The following EPB41L2 variants were observed in gnomAD, a reference collection of about 807,000 sequenced individuals.
EPB41L2 encodes erythrocyte membrane protein band 4.1 like 2, also known as band 4.1-like protein 2.
A neutral mutation model predicts 113.0 loss-of-function variants in EPB41L2; 43 were observed. That is an observed-to-expected ratio of 0.38 (90% CI 0.30 to 0.49). The LOEUF (loss-of-function observed/expected upper bound fraction) is 0.49. Ranked by LOEUF, EPB41L2 falls within the 20% of genes least tolerant of loss-of-function variation. EPB41L2 has a pLI of 0.95. For missense variants in EPB41L2, 1,147 were observed against 1,223.4 expected (o/e 0.94, Z 0.93); for synonymous variants, 442 against 436.7 (o/e 1.01, Z -0.15).
intron 18 of EPB41L2, among the ~76,000 whole-genome samples, chr6:130,858,596 CAT>C (rs149912738): frequency 0.33 from 49,633 of 152,026 alleles, 8,735 homozygotes; most frequent in East Asian, 0.45. Flanking sequence ...TTGTAACGAT[CAT>C]TTTAAGGTTT....
intron 1 of EPB41L2, among the ~76,000 whole-genome samples, chr6:131,010,414 ATT>A (rs34144765): frequency 3.4e-4 from 48 of 142,926 alleles, no homozygotes; most frequent in African/African-American, 3.9e-4. Context: ...GAATTAATTA[ATT>A]TTTTTTTTTT....
intron 1 of EPB41L2, among the ~76,000 whole-genome samples, chr6:131,046,693 T>C (rs1342169752): frequency 6.6e-6 from 1 of 152,196 alleles, no homozygotes; most frequent in African/African-American, 2.4e-5. Flanking sequence ...CAACATTCCA[T>C]TTCTTTTTTA....
chr6:130,932,853 T>C (rs1807381727), intron 3 of EPB41L2, among the ~76,000 whole-genome samples: 1 of 152,246 alleles, frequency 6.6e-6, no homozygotes, highest in South Asian at 2.1e-4. Context: ...TTGGCAGAGT[T>C]GAGTCTAGAA....
At chr6:130,951,284 A>T (rs9483197) in intron 3 of EPB41L2, among the ~76,000 whole-genome samples, 1 of 71,314 alleles carries the variant, frequency 1.4e-5, no homozygotes, top group African/African-American at 6.7e-5. Context: ...GGGGGAGGGG[A>T]GGAGAAAAAA....
At chr6:130,873,454 C>A (rs1266698670) in intron 14 of EPB41L2, among the ~76,000 whole-genome samples, 5 of 143,614 alleles carry the variant, frequency 3.5e-5, no homozygotes, top group Admixed American at 7.6e-5. Context: ...CCTAATAAAC[C>A]CCACTATTCA....
intron 5 of EPB41L2, among the ~76,000 whole-genome samples, chr6:130,906,680 C>A (rs1335222336): frequency 6.6e-6 from 1 of 152,136 alleles, no homozygotes; most frequent in Non-Finnish European, 1.5e-5. Flanking sequence ...TGTTGGTTGT[C>A]ATAGGTAGCT....
intron 3 of EPB41L2, among the ~76,000 whole-genome samples, chr6:130,951,122 T>C (rs1436355737): frequency 1.3e-5 from 2 of 151,628 alleles, no homozygotes; most frequent in Admixed American, 6.6e-5. Flanking sequence ...CCAGGCATGG[T>C]GGCATGCATC....
In EPB41L2 at chr6:130,865,648, G is replaced by A; in HGVS notation, c.2731-14C>T. 9 of 1,613,214 alleles carry A rather than the reference G, an allele frequency of 5.6e-6. No homozygotes were observed. Among genetic ancestry groups the A allele is most frequent in the Non-Finnish European group, 7.6e-6 (9 of 1,179,358 alleles). ...CCCGCCATCAATCTTTGGATAGTTGGGGGAAAAATACAAAGTAATGCTTAA... is the reference window on the plus strand; with the variant it reads ...CCCGCCATCAATCTTTGGATAGTTGAGGGAAAAATACAAAGTAATGCTTAA... On this transcript the variant is annotated splice_polypyrimidine_tract_variant and intron_variant, in intron 16 of 19. Transcript: ENST00000337057.
chr6:130,859,252 T>C (rs1181147384), intron 18 of EPB41L2, among the ~76,000 whole-genome samples: 1 of 152,214 alleles, frequency 6.6e-6, no homozygotes, highest in African/African-American at 2.4e-5. Context: ...CCAGGCGTGG[T>C]GGCTCAGGCC....
intron 8 of EPB41L2, among the ~76,000 whole-genome samples, chr6:130,895,866 A>T (rs1011308919): frequency 1.1e-4 from 16 of 152,230 alleles, no homozygotes; most frequent in Admixed American, 9.2e-4. Context: ...AAAACCAAAC[A>T]AATTTACAGG....
intron 19 of EPB41L2, among the ~76,000 whole-genome samples, chr6:130,843,061 T>C (rs1233620548): frequency 6.6e-6 from 1 of 152,212 alleles, no homozygotes; most frequent in Admixed American, 6.5e-5. Context: ...CAGTTCCTTA[T>C]TGGCGTGGAT....
intron 4 of EPB41L2, among the ~76,000 whole-genome samples, chr6:130,918,720 T>C (rs1040437703): frequency 6.6e-6 from 1 of 151,090 alleles, no homozygotes; most frequent in Non-Finnish European, 1.5e-5. Context: ...AAAATTTGTA[T>C]ACAAATAATC....
At chr6:131,050,371 A>G (rs1421658143) in intron 1 of EPB41L2, among the ~76,000 whole-genome samples, 2 of 152,174 alleles carry the variant, frequency 1.3e-5, no homozygotes, top group African/African-American at 4.8e-5. Context: ...ATCATTTAGT[A>G]TACCAACATA....
At chr6:130,980,228 T>C (rs1489638644) in intron 1 of EPB41L2, among the ~76,000 whole-genome samples, 6 of 151,550 alleles carry the variant, frequency 4.0e-5, no homozygotes, top group Non-Finnish European at 8.8e-5. Flanking sequence ...GAGGTAAGTG[T>C]AAATTAATAT....
At chr6:130,841,088 A>G (rs1053183355) in intron 19 of EPB41L2, among the ~76,000 whole-genome samples, 2 of 152,168 alleles carry the variant, frequency 1.3e-5, no homozygotes, top group Non-Finnish European at 2.9e-5. Flanking sequence ...GCAGAAACGA[A>G]TGGAAGGAAT....
chr6:130,994,776 T>A (rs538267859), intron 1 of EPB41L2, among the ~76,000 whole-genome samples: 1 of 152,164 alleles, frequency 6.6e-6, no homozygotes, highest in African/African-American at 2.4e-5. Context: ...AAGCTGGGAA[T>A]TGCTTAGGGC....
intron 8 of EPB41L2, among the ~76,000 whole-genome samples, chr6:130,897,201 A>G (rs1794920295): frequency 1.3e-5 from 2 of 152,076 alleles, no homozygotes; most frequent in Non-Finnish European, 2.9e-5. Context: ...TAACATGAAT[A>G]TGACATTACA....
intron 7 of EPB41L2, 106 bp from the exon 8 acceptor site, chr6:130,899,684 C>T (rs779225232): frequency 3.2e-5 from 33 of 1,019,706 alleles, no homozygotes; most frequent in Non-Finnish European, 4.8e-5. Flanking sequence ...GAGAAAGTTA[C>T]CCAGCCAAGT....
At chr6:130,939,972 G>C (rs1230801520) in intron 3 of EPB41L2, among the ~76,000 whole-genome samples, 1 of 151,998 alleles carries the variant, frequency 6.6e-6, no homozygotes, top group Non-Finnish European at 1.5e-5. Context: ...ACAATGCAGA[G>C]TGTACATGTT....
Sources: gnomAD v4.1 joint callset for allele counts (sites outside exome capture counted in the v4.1 genomes callset) on GRCh38, gnomAD v4.1.1 for gene constraint, MANE v1.5 for transcripts, NCBI Gene and HGNC (gene_info 2026-07-23, HGNC 2026-07-21) for gene names.